Variants in MYO5B observed in about 807,000 individuals in gnomAD.
MYO5B encodes myosin VB, also known as unconventional myosin-Vb.
Under a neutral mutation model 229.3 loss-of-function variants are expected in MYO5B, and 143 were observed. That is an observed-to-expected ratio of 0.62 (90% CI 0.54 to 0.72). The LOEUF (loss-of-function observed/expected upper bound fraction) is 0.72, where lower values mean the gene tolerates loss of function less well. Ranked by LOEUF, MYO5B falls within the 30% of genes least tolerant of loss-of-function variation. The pLI is 0.00. For missense variants in MYO5B, 2,321 were observed against 2,331.0 expected, an observed-to-expected ratio of 1.00 and a Z score of 0.09; for synonymous variants, 918 against 885.2, an observed-to-expected ratio of 1.04 and a Z score of -0.66.
intron 4 of MYO5B, among the ~76,000 whole-genome samples, chr18:50,011,981 G>A (rs1253040420): frequency 1.3e-5 from 2 of 152,024 alleles, no homozygotes; most frequent in Admixed American, 6.6e-5. Context: ...CATAGGTAGT[G>A]TTCAGGGAAG....
rs373443648 is a variant in MYO5B, at chr18:50,055,384, A to G, written c.28-6T>C. ...GGGATCCAGACCCTTGTGCACTGAA[A>G]GATTAAAACAGAAGAAACTTAGATA... On this transcript the variant is annotated splice_region_variant and splice_polypyrimidine_tract_variant and intron_variant, in intron 1 of 39. Transcript: ENST00000285039. The G allele has an allele frequency of 2.6e-4, 425 of 1,607,746 alleles. No homozygotes were observed. Among genetic ancestry groups the G allele is most frequent in the Admixed American group, 1.3e-4 (8 of 59,988 alleles).
intron 18 of MYO5B, 73 bp downstream of exon 18, chr18:49,911,989 G>C (rs2024963106): frequency 8.9e-7 from 1 of 1,121,958 alleles, no homozygotes. Flanking sequence ...AAAAAATGTA[G>C]ATAACGACGC....
intron 1 of MYO5B, among the ~76,000 whole-genome samples, chr18:50,075,382 A>G (rs2031055589): frequency 6.6e-6 from 1 of 152,202 alleles, no homozygotes. Context: ...GGAGTATACC[A>G]TGAATTCCAT....
At chr18:49,843,800 C>T (rs537659243) in intron 33 of MYO5B, among the ~76,000 whole-genome samples, 9 of 152,336 alleles carry the variant, frequency 5.9e-5, no homozygotes, top group Non-Finnish European at 7.3e-5. Flanking sequence ...ACTCCTGATT[C>T]GTGGGCACCA....
At chr18:50,054,027 T>A (rs1009955071) in intron 2 of MYO5B, among the ~76,000 whole-genome samples, 1 of 152,194 alleles carries the variant, frequency 6.6e-6, no homozygotes, top group Non-Finnish European at 1.5e-5. Context: ...AAAGCCTGCA[T>A]GAACTACCTC....
intron 4 of MYO5B, among the ~76,000 whole-genome samples, chr18:50,004,444 G>A (rs565105157): frequency 5.8e-4 from 89 of 152,258 alleles, no homozygotes; most frequent in East Asian, 1.2e-3. Context: ...CTAACTTCAC[G>A]GATGTTAGAT....
At chr18:49,931,314 C>T (rs2025188626) in intron 16 of MYO5B, among the ~76,000 whole-genome samples, 1 of 152,174 alleles carries the variant, frequency 6.6e-6, no homozygotes, top group East Asian at 1.9e-4. Flanking sequence ...CACCCACACT[C>T]TCCCCTCCAG....
At chr18:49,994,369 T>C (rs967712019) in intron 5 of MYO5B, among the ~76,000 whole-genome samples, 4 of 152,256 alleles carry the variant, frequency 2.6e-5, no homozygotes, top group Admixed American at 2.6e-4. Flanking sequence ...AATGTAAGTA[T>C]TGGACTCCTT....
chr18:49,936,285 C>T lies in MYO5B; in HGVS notation c.1970G>A (p.Cys657Tyr). Reference sequence around the variant, plus strand: ...GAGCTTCTCATCGTTGGGCTTGATGCAGCGGACATAGTGAGGTGTCGTGGC... The same window carrying T: ...GAGCTTCTCATCGTTGGGCTTGATGTAGCGGACATAGTGAGGTGTCGTGGC... ...LNATTPHYVR[C>Y]IKPNDEKLPF... is the part of the protein sequence containing the mutation. Residue 657 changes from cysteine to tyrosine, a missense_variant, in exon 16 of 40, where the codon TGC becomes TAC. Around this residue, in one of 2 missense-constraint regions of MYO5B, gnomAD observed 2,113 missense variants for 2,044.7 expected, o/e 1.03. Coordinates refer to ENST00000285039, the MANE Select transcript of MYO5B (RefSeq NM_001080467.3). The T allele has an allele frequency of 6.2e-7, 1 of 1,603,600 alleles. No homozygotes were observed. Among genetic ancestry groups the T allele is most frequent in the Non-Finnish European group, 8.5e-7 (1 of 1,174,598 alleles).
chr18:50,075,482 T>C (rs1445232962), intron 1 of MYO5B, among the ~76,000 whole-genome samples: 1 of 152,122 alleles, frequency 6.6e-6, no homozygotes, highest in Non-Finnish European at 1.5e-5. Context: ...TCCTTATAAC[T>C]CTTCTGGTAA....
chr18:49,934,643 T>TA (rs1328942750), intron 16 of MYO5B, among the ~76,000 whole-genome samples: 2 of 152,226 alleles, frequency 1.3e-5, no homozygotes, highest in African/African-American at 4.8e-5. Context: ...ACTACGCTTC[T>TA]AACAGCCTCT....
chr18:49,993,631 T>C (rs1453048094), intron 5 of MYO5B, among the ~76,000 whole-genome samples: 3 of 152,146 alleles, frequency 2.0e-5, no homozygotes, highest in South Asian at 2.1e-4. Context: ...CCTCCGAGTA[T>C]AGAGGATGCC....
At chr18:50,068,991 T>C (rs972201900) in intron 1 of MYO5B, among the ~76,000 whole-genome samples, 3 of 152,118 alleles carry the variant, frequency 2.0e-5, no homozygotes, top group African/African-American at 7.2e-5. Context: ...AGAGAGACCA[T>C]AGAAGTCAAT....
chr18:49,854,383 C>A (rs1396267245), intron 30 of MYO5B, among the ~76,000 whole-genome samples: 2 of 152,292 alleles, frequency 1.3e-5, no homozygotes, highest in East Asian at 3.9e-4. Flanking sequence ...GGCCCAAGAC[C>A]AAGAGGTGCC....
chr18:49,898,952 C>T (rs1247602793), intron 21 of MYO5B, among the ~76,000 whole-genome samples: 1 of 152,126 alleles, frequency 6.6e-6, no homozygotes, highest in African/African-American at 2.4e-5. Context: ...CCTACTCTAG[C>T]CAGATCATGG....
chr18:49,843,111 C>T, intron 34 of MYO5B, 130 bp downstream of exon 34: 1 of 1,201,418 alleles, frequency 8.3e-7, no homozygotes, highest in Admixed American at 1.9e-5. Flanking sequence ...GCTTCTGTGG[C>T]TCATTTACCT....
chr18:49,894,848 T>C, intron 22 of MYO5B, 93 bp downstream of exon 22: 1 of 1,118,966 alleles, frequency 8.9e-7, no homozygotes, highest in South Asian at 1.3e-5. Context: ...CCATGGCAAT[T>C]TTACCACTTG....
At chr18:49,895,757 C>T (rs901618832) in intron 21 of MYO5B, among the ~76,000 whole-genome samples, 2 of 152,300 alleles carry the variant, frequency 1.3e-5, no homozygotes, top group African/African-American at 4.8e-5. Context: ...TGCCCTGACC[C>T]ACCCTGCCCA....
intron 2 of MYO5B, among the ~76,000 whole-genome samples, chr18:50,047,397 C>A (rs1470056915): frequency 6.6e-6 from 1 of 152,334 alleles, no homozygotes; most frequent in South Asian, 2.1e-4. Flanking sequence ...GAGATACCAT[C>A]TCACACCAGT....
Sources: allele counts gnomAD v4.1 joint callset (sites outside exome capture counted in the v4.1 genomes callset), GRCh38; gene constraint gnomAD v4.1.1; regional missense constraint gnomAD v4.1.1; transcripts MANE v1.5; gene names NCBI Gene and HGNC (gene_info 2026-07-23, HGNC 2026-07-21).